The following TENM3 variants were observed in gnomAD, a reference collection of about 807,000 sequenced individuals.
The protein encoded by TENM3 is teneurin transmembrane protein 3, also known as teneurin-3.
TENM3 carries 63 observed loss-of-function variants against 255.1 expected under a neutral mutation model. The ratio of observed to expected loss-of-function variants is 0.25; its 90% CI spans 0.20 to 0.30. The LOEUF (loss-of-function observed/expected upper bound fraction) is 0.30. Ranked by LOEUF, TENM3 falls within the 10% of genes least tolerant of loss-of-function variation. The pLI is 1.00. For missense variants in TENM3, 2,929 were observed against 3,461.1 expected (o/e 0.85, Z 3.86); for synonymous variants, 1,306 against 1,322.3 (o/e 0.99, Z 0.27).
At chr4:182,360,908 G>T (rs1050044026) in intron 3 of TENM3, among the ~76,000 whole-genome samples, 3 of 152,082 alleles carry the variant, frequency 2.0e-5, no homozygotes, top group Middle Eastern at 3.2e-3. Context: ...CTCTTTTAGG[G>T]CAGGCCTGGT....
chr4:182,496,302 A>G (rs1431362514), intron 3 of TENM3, among the ~76,000 whole-genome samples: 1 of 151,914 alleles, frequency 6.6e-6, no homozygotes, highest in Non-Finnish European at 1.5e-5. Flanking sequence ...TAGGAATGTT[A>G]TTTTCCCTAC....
At chr4:181,966,248 A>T in the TENM3 span, among the ~76,000 whole-genome samples, 1 of 152,182 alleles carries the variant, frequency 6.6e-6, no homozygotes, top group Non-Finnish European at 1.5e-5. Flanking sequence ...TTTATTCAGC[A>T]GATAGCAAAA....
At chr4:181,626,678 C>A in the TENM3 span, among the ~76,000 whole-genome samples, 1 of 152,134 alleles carries the variant, frequency 6.6e-6, no homozygotes, top group African/African-American at 2.4e-5. Flanking sequence ...GAGGGATCTG[C>A]CCCTGTGATC....
chr4:182,149,786 G>A (rs1750213683), intron 1 of TENM3, among the ~76,000 whole-genome samples: 2 of 151,834 alleles, frequency 1.3e-5, no homozygotes, highest in South Asian at 4.1e-4. Context: ...ATTCTTTTTT[G>A]TAAGTTTAGG....
chr4:182,007,399 G>C, the TENM3 span, among the ~76,000 whole-genome samples: 1 of 152,088 alleles, frequency 6.6e-6, no homozygotes, highest in Non-Finnish European at 1.5e-5. Flanking sequence ...TTATGAATCT[G>C]GGTGCTCCTG....
intron 3 of TENM3, among the ~76,000 whole-genome samples, chr4:182,400,994 G>A (rs990015705): frequency 2.0e-5 from 3 of 152,210 alleles, no homozygotes; most frequent in East Asian, 3.8e-4. Flanking sequence ...CTGGTGCGTA[G>A]TGGATGTGAT....
chr4:181,931,945 G>GGGAAAACTGGCTAGCCATATGC, the TENM3 span, among the ~76,000 whole-genome samples: 13 of 152,136 alleles, frequency 8.5e-5, no homozygotes, highest in Non-Finnish European at 1.8e-4. Flanking sequence ...AAATGGTATT[G>GGGAAAACTGGCTAGCCATATGC]GGAAAACTGG....
chr4:181,771,051 T>G, the TENM3 span, among the ~76,000 whole-genome samples: 1 of 152,230 alleles, frequency 6.6e-6, no homozygotes, highest in Non-Finnish European at 1.5e-5. Flanking sequence ...CAGTCCGGGT[T>G]CCTGAATCTT....
the TENM3 span, among the ~76,000 whole-genome samples, chr4:181,953,551 G>A: frequency 6.6e-6 from 1 of 151,922 alleles, no homozygotes; most frequent in East Asian, 1.9e-4. Context: ...GGTAGGTGGT[G>A]GGTGCCTGTA....
At chr4:182,759,255 G>A (rs1762954228) in intron 22 of TENM3, among the ~76,000 whole-genome samples, 1 of 152,182 alleles carries the variant, frequency 6.6e-6, no homozygotes, top group African/African-American at 2.4e-5. Flanking sequence ...GAATGTTGCT[G>A]TGGGTATAGA....
the TENM3 span, chr4:181,905,890 T>A: frequency 5.9e-6 from 3 of 508,832 alleles, no homozygotes; most frequent in Admixed American, 7.3e-5. Flanking sequence ...CTCTTCTTCA[T>A]AATTACATTA....
chr4:182,187,056 C>G (rs1753208764), intron 1 of TENM3, among the ~76,000 whole-genome samples: 3 of 150,736 alleles, frequency 2.0e-5, no homozygotes, highest in Admixed American at 6.6e-5. Flanking sequence ...CTTTTCTTCC[C>G]TATTCTTTAA....
At chr4:181,533,359 T>C in the TENM3 span, among the ~76,000 whole-genome samples, 1 of 152,192 alleles carries the variant, frequency 6.6e-6, no homozygotes, top group Non-Finnish European at 1.5e-5. Flanking sequence ...GTTCACTCAT[T>C]CATGCACAAA....
At chr4:181,553,320 G>A in the TENM3 span, among the ~76,000 whole-genome samples, 312 of 115,738 alleles carry the variant, frequency 2.7e-3, 2 homozygotes, top group African/African-American at 9.8e-3. Flanking sequence ...ATGTGTATGC[G>A]TATATATATA....
chr4:181,758,236 T>G, the TENM3 span, among the ~76,000 whole-genome samples: 581 of 152,282 alleles, frequency 3.8e-3, no homozygotes, highest in Non-Finnish European at 7.1e-3. Context: ...TGGGGACATG[T>G]ATGGGATAAA....
At chr4:181,841,485 C>A in the TENM3 span, among the ~76,000 whole-genome samples, 2 of 152,182 alleles carry the variant, frequency 1.3e-5, no homozygotes, top group East Asian at 3.9e-4. Flanking sequence ...TCTTTGTTCC[C>A]ATACATCATC....
At chr4:181,551,807 AATATATATATATATAT>A in the TENM3 span, among the ~76,000 whole-genome samples, 1 of 140,972 alleles carries the variant, frequency 7.1e-6, no homozygotes, top group African/African-American at 2.7e-5. Context: ...GGCAGTTAAT[AATATATATATATATAT>A]ATATATATAT....
the TENM3 span, among the ~76,000 whole-genome samples, chr4:181,483,270 T>A: frequency 6.6e-6 from 1 of 152,144 alleles, no homozygotes; most frequent in African/African-American, 2.4e-5. Flanking sequence ...TTACTATTTT[T>A]ACAGCTTAAG....
chr4:181,689,703 G>A, the TENM3 span, among the ~76,000 whole-genome samples: 5 of 152,158 alleles, frequency 3.3e-5, no homozygotes, highest in African/African-American at 7.2e-5. Context: ...AAAGGGCACA[G>A]GAAGAGAAGG....
Sources: gnomAD v4.1 joint callset for allele counts (sites outside exome capture counted in the v4.1 genomes callset) on GRCh38, gnomAD v4.1.1 for gene constraint, MANE v1.5 for transcripts, NCBI Gene and HGNC (gene_info 2026-07-23, HGNC 2026-07-21) for gene names.